The following DPY19L3 variants were observed in gnomAD, a reference collection of about 807,000 sequenced individuals.
The protein encoded by DPY19L3 is dpy-19 like C-mannosyltransferase 3, also known as protein C-mannosyl-transferase DPY19L3.
In DPY19L3, 51 loss-of-function variants were observed where a neutral mutation model predicts 92.3. That is an observed-to-expected ratio of 0.55 (90% CI 0.44 to 0.70). The LOEUF is 0.70. DPY19L3 is among the 30% of genes least tolerant of loss of function. DPY19L3 has a pLI of 0.00. For missense variants in DPY19L3, 706 were observed against 855.9 expected (o/e 0.82, Z 2.18); for synonymous variants, 309 against 315.2 (o/e 0.98, Z 0.21).
At position 32,480,432 on chromosome 19, in the gene DPY19L3, G is replaced by A; in HGVS notation, c.1864G>A (p.Glu622Lys). 1 of 1,613,672 alleles carries A rather than the reference G, an allele frequency of 6.2e-7. No individual in the cohort carries two copies. The highest frequency in any genetic ancestry group is 8.5e-7 in the Non-Finnish European group (1 of 1,179,848). ...YQIYAKRAPE[E>K]VHALLRSFGT... ...GATATATGCCAAGAGGGCACCAGAGGAAGTGCATGCCCTCCTAAGGTCCTT... is the reference window on the plus strand; with the variant it reads ...GATATATGCCAAGAGGGCACCAGAGAAAGTGCATGCCCTCCTAAGGTCCTT... The change falls in exon 18 of 19, where the codon GAA (glutamate) becomes AAA (lysine). Residue 622 changes from glutamate (E) to lysine (K), a missense_variant. Coordinates refer to ENST00000392250, the MANE Select transcript of DPY19L3 (RefSeq NM_001172774.2).
chr19:32,410,099 A>T (rs1270385763), intron 2 of DPY19L3, among the ~76,000 whole-genome samples: 1 of 152,234 alleles, frequency 6.6e-6, no homozygotes, highest in South Asian at 2.1e-4. Context: ...CCAAAACAGT[A>T]TTAGCATTTT....
intron 12 of DPY19L3, among the ~76,000 whole-genome samples, chr19:32,461,657 A>T (rs1015332343): frequency 1.3e-5 from 2 of 152,110 alleles, no homozygotes; most frequent in Non-Finnish European, 2.9e-5. Flanking sequence ...GTATGTATTT[A>T]TGGTAGGAAA....
intron 3 of DPY19L3, among the ~76,000 whole-genome samples, chr19:32,423,848 C>G (rs1394676538): frequency 6.6e-6 from 1 of 151,774 alleles, no homozygotes; most frequent in Non-Finnish European, 1.5e-5. Flanking sequence ...AACCCCATCT[C>G]TAAAAACAAA....
intron 3 of DPY19L3, among the ~76,000 whole-genome samples, chr19:32,430,597 G>A (rs1423535872): frequency 6.6e-6 from 1 of 151,978 alleles, no homozygotes; most frequent in Non-Finnish European, 1.5e-5. Context: ...GAAGATAATA[G>A]CATGAATGGT....
intron 8 of DPY19L3, among the ~76,000 whole-genome samples, chr19:32,450,979 T>C (rs1168508114): frequency 6.6e-6 from 1 of 152,064 alleles, no homozygotes; most frequent in Non-Finnish European, 1.5e-5. Flanking sequence ...CTCCAATGTT[T>C]ATTAAGTGCC....
intron 3 of DPY19L3, chr19:32,412,265 G>A (rs954067481): frequency 6.6e-6 from 1 of 151,876 alleles, no homozygotes; most frequent in African/African-American, 2.4e-5. Context: ...TATAGATTGT[G>A]AAATTAGTGC....
At chr19:32,410,476 A>C (rs971754425) in intron 2 of DPY19L3, among the ~76,000 whole-genome samples, 3 of 152,002 alleles carry the variant, frequency 2.0e-5, no homozygotes, top group Admixed American at 6.6e-5. Flanking sequence ...TGTGGGTTTA[A>C]AAAAAAAGTT....
intron 14 of DPY19L3, 73 bp from the exon 15 acceptor site, chr19:32,464,655 T>C: frequency 1.0e-6 from 1 of 961,868 alleles, no homozygotes; most frequent in Non-Finnish European, 1.5e-6. Context: ...TAGGCAAACA[T>C]AGCAAGACCC....
chr19:32,451,316 C>T (rs1339186253), intron 8 of DPY19L3, among the ~76,000 whole-genome samples: 2 of 152,154 alleles, frequency 1.3e-5, no homozygotes, highest in South Asian at 2.1e-4. Flanking sequence ...AATATTATTT[C>T]TTTAGGTAAT....
At chr19:32,421,643 AAAAGAG>A (rs777484372) in intron 3 of DPY19L3, among the ~76,000 whole-genome samples, 1 of 140,798 alleles carries the variant, frequency 7.1e-6, no homozygotes, top group Non-Finnish European at 1.6e-5. Context: ...AAAAAAAAAA[AAAAGAG>A]AGAGGAGTCT....
intron 12 of DPY19L3, among the ~76,000 whole-genome samples, chr19:32,460,583 G>C (rs1161361212): frequency 6.6e-6 from 1 of 152,232 alleles, no homozygotes; most frequent in Admixed American, 6.5e-5. Flanking sequence ...TGTGCACTTA[G>C]GCTACAGTAA....
intron 4 of DPY19L3, among the ~76,000 whole-genome samples, chr19:32,434,852 G>C (rs376701071): frequency 6.6e-6 from 1 of 151,900 alleles, no homozygotes. Flanking sequence ...GGCAGAAAGA[G>C]AAGAGCGAGT....
intron 15 of DPY19L3, chr19:32,467,806 CAATT>C: frequency 5.1e-6 from 5 of 979,950 alleles, no homozygotes; most frequent in Non-Finnish European, 6.1e-6. Context: ...TTGATAAAAA[CAATT>C]AAGATTTAGT....
At chr19:32,460,853 T>TTTTG (rs1189791943) in intron 12 of DPY19L3, among the ~76,000 whole-genome samples, 4 of 141,578 alleles carry the variant, frequency 2.8e-5, no homozygotes, top group African/African-American at 1.0e-4. Context: ...ACTTGTTTTG[T>TTTTG]TTTGTTTTGT....
chr19:32,429,305 C>T (rs879708406), intron 3 of DPY19L3, among the ~76,000 whole-genome samples: 7 of 152,200 alleles, frequency 4.6e-5, no homozygotes, highest in Non-Finnish European at 8.8e-5. Flanking sequence ...TAGAGGATAA[C>T]TACTATTGGT....
intron 9 of DPY19L3, among the ~76,000 whole-genome samples, chr19:32,453,657 C>T (rs1176268461): frequency 6.6e-6 from 1 of 152,070 alleles, no homozygotes; most frequent in Non-Finnish European, 1.5e-5. Context: ...TACAGTCCTT[C>T]ACGTTGGTGG....
At chr19:32,463,078 T>C (rs920442438) in intron 12 of DPY19L3, among the ~76,000 whole-genome samples, 1 of 100,628 alleles carries the variant, frequency 9.9e-6, no homozygotes, top group Non-Finnish European at 2.3e-5. Context: ...TCCAAAAAAT[T>C]TGAGTTTTTT....
chr19:32,407,002 CTTTT>C (rs11428433), intron 1 of DPY19L3, among the ~76,000 whole-genome samples: 3 of 132,246 alleles, frequency 2.3e-5, no homozygotes, highest in Middle Eastern at 3.9e-3. Flanking sequence ...TGGCTTCCTG[CTTTT>C]TTTTTTTTTT....
At chr19:32,453,592 G>A (rs1969775433) in intron 9 of DPY19L3, among the ~76,000 whole-genome samples, 1 of 152,122 alleles carries the variant, frequency 6.6e-6, no homozygotes, top group Non-Finnish European at 1.5e-5. Flanking sequence ...TAATTTTTAT[G>A]TGTGTGAACT....
Sources: allele counts gnomAD v4.1 joint callset (sites outside exome capture counted in the v4.1 genomes callset), GRCh38; gene constraint gnomAD v4.1.1; transcripts MANE v1.5; gene names NCBI Gene and HGNC (gene_info 2026-07-23, HGNC 2026-07-21).